MAPK8IP3: variants seen among roughly 807,000 people sequenced by gnomAD.
MAPK8IP3 encodes C-Jun-amino-terminal kinase-interacting protein 3.
Under a neutral mutation model 157.8 loss-of-function variants are expected in MAPK8IP3, and 49 were observed. That is an observed-to-expected ratio of 0.31 (90% confidence interval 0.25 to 0.39). MAPK8IP3 has a LOEUF of 0.39. Among genes scored for constraint, MAPK8IP3 ranks in the 10% least tolerant of loss-of-function variants. MAPK8IP3 has a pLI of 1.00. For missense variants in MAPK8IP3, 1,478 were observed against 1,889.4 expected (o/e 0.78, Z 4.04); for synonymous variants, 897 against 777.7 (o/e 1.15, Z -2.55).
chr16:1,757,604 G>T (rs973148250), intron 8 of MAPK8IP3, among the ~76,000 whole-genome samples: 1 of 152,176 alleles, frequency 6.6e-6, no homozygotes, highest in Non-Finnish European at 1.5e-5. Flanking sequence ...TTTCTGGCAT[G>T]TTCTCTCTGC....
At chr16:1,730,121 G>A (rs1430217732) in intron 4 of MAPK8IP3, among the ~76,000 whole-genome samples, 2 of 149,752 alleles carry the variant, frequency 1.3e-5, no homozygotes, top group African/African-American at 2.5e-5. Flanking sequence ...AGGACATACT[G>A]CCTCAAATAA....
rs529114132 is a variant in MAPK8IP3, at chr16:1,727,241, G to A, written c.440-1897G>A. Among the ~76,000 whole-genome samples, 40 of 147,206 alleles carry A rather than the reference G, an allele frequency of 2.7e-4. No individual in the cohort carries two copies. The East Asian group carries it at 4.0e-3, about 15-fold the overall frequency. ...CGTCTGAGTGACGTGTGCTATGTGC[G>A]GGTCTGTGTGACTCTGCTGTGTGTA... is the stretch of plus-strand genomic sequence containing the variant. On this transcript the variant is annotated intron_variant, in intron 2 of 31. Coordinates refer to ENST00000610761, the MANE Select transcript of MAPK8IP3 (RefSeq NM_001318852.2).
intron 1 of MAPK8IP3, among the ~76,000 whole-genome samples, chr16:1,722,991 G>A (rs1039981814): frequency 2.6e-5 from 4 of 151,532 alleles, no homozygotes; most frequent in African/African-American, 4.9e-5. Context: ...GTGAGCCACC[G>A]TGCCTGGCCA....
chr16:1,738,504 G>C (rs1259891155), intron 4 of MAPK8IP3, among the ~76,000 whole-genome samples: 6 of 123,054 alleles, frequency 4.9e-5, no homozygotes, highest in African/African-American at 1.9e-4. Context: ...CCGTCCGTGT[G>C]TGTGACCATC....
At position 1,767,576 on chromosome 16, in the gene MAPK8IP3, G is replaced by A. The variant is rs375286919; in HGVS notation, c.3250G>A (p.Ala1084Thr). 5.0e-6 allele frequency: 8 copies of A among 1,611,626 alleles called. No individual in the cohort carries two copies. Among genetic ancestry groups the A allele is most frequent in the African/African-American group, 2.7e-5 (2 of 74,912 alleles). Residue 1084 changes from alanine (A) to threonine (T), a missense_variant, in exon 27 of 32, where the codon GCC becomes ACC. Around this residue, in one of 11 missense-constraint regions of MAPK8IP3, gnomAD observed 68 missense variants for 125.1 expected, o/e 0.54. Coordinates refer to ENST00000610761, the MANE Select transcript of MAPK8IP3 (RefSeq NM_001318852.2). Reference protein sequence around the residue: ...KTMQIEKSFDAHPRRESQVRQ... With the variant: ...KTMQIEKSFDTHPRRESQVRQ... ...CATGACTCCACAGAAGTCATTTGAC[G>A]CCCACCCGCGGCGGGAGAGCCAGGT...
rs556161169 is a variant in MAPK8IP3, at chr16:1,755,625, G to T, written c.1217-2523G>T. On this transcript the variant is annotated intron_variant, in intron 8 of 31. Transcript: ENST00000610761. ...GCACATTGGGAGGCCAAGGTGGGCGGATCACGAGGTCAAGAGATCGAGACC... is the reference window on the plus strand; with the variant it reads ...GCACATTGGGAGGCCAAGGTGGGCGTATCACGAGGTCAAGAGATCGAGACC... Among the ~76,000 whole-genome samples the T allele has an allele frequency of 2.6e-5, 4 of 152,090 alleles. No individual in the cohort carries two copies. The South Asian group carries it at 8.3e-4, about 32-fold the overall frequency.
intron 8 of MAPK8IP3, among the ~76,000 whole-genome samples, chr16:1,755,384 G>A (rs932795793): frequency 4.3e-4 from 65 of 152,304 alleles, no homozygotes; most frequent in African/African-American, 1.4e-3. Flanking sequence ...GAATGCAGCC[G>A]GGTGTGCTGG....
chr16:1,735,736 AGTGTGACCGTCCATGTGAGCATCC>A (rs2039693495), intron 4 of MAPK8IP3, among the ~76,000 whole-genome samples: 2 of 95,394 alleles, frequency 2.1e-5, no homozygotes, highest in Non-Finnish European at 4.0e-5. Context: ...TCCATGTGAG[AGTGTGACCGTCCATGTGAGCATCC>A]GTGTGACCGT....
chr16:1,767,769 C>T (rs1411272408), intron 27 of MAPK8IP3, 34 bp downstream of exon 27: 3 of 1,611,616 alleles, frequency 1.9e-6, no homozygotes, highest in Admixed American at 3.3e-5. Flanking sequence ...TGGTGGGGTG[C>T]TCAAGGCCAG....
chr16:1,720,142 C>A (rs2038422391), intron 1 of MAPK8IP3, among the ~76,000 whole-genome samples: 1 of 152,238 alleles, frequency 6.6e-6, no homozygotes, highest in South Asian at 2.1e-4. Context: ...TCAAGCAATT[C>A]TCCTGCCTCA....
At position 1,768,471 on chromosome 16, in the gene MAPK8IP3, T is replaced by C. The variant is rs1202369556; in HGVS notation, c.3743-6T>C. On this transcript the variant is annotated splice_polypyrimidine_tract_variant and splice_region_variant and intron_variant, in intron 30 of 31. Coordinates refer to ENST00000610761, the MANE Select transcript of MAPK8IP3 (RefSeq NM_001318852.2). ...CCGCTGTCCTGAATCGCTTCTGCCATCCCAGGGAACGTGCTGGCCACCCTG... is the reference window on the plus strand; with the variant it reads ...CCGCTGTCCTGAATCGCTTCTGCCACCCCAGGGAACGTGCTGGCCACCCTG... 6.5e-5 allele frequency: 103 copies of C among 1,573,398 alleles called. No individual in the cohort carries two copies. The highest frequency in any genetic ancestry group is 8.8e-5 in the Non-Finnish European group (102 of 1,165,196).
At chr16:1,750,362 G>A (rs997013112) in intron 8 of MAPK8IP3, among the ~76,000 whole-genome samples, 7 of 151,922 alleles carry the variant, frequency 4.6e-5, no homozygotes, top group Non-Finnish European at 7.4e-5. Context: ...AGAGGCACGC[G>A]CCACCACGCC....
intron 2 of MAPK8IP3, among the ~76,000 whole-genome samples, chr16:1,727,515 T>C (rs577602704): frequency 9.9e-5 from 15 of 152,112 alleles, no homozygotes; most frequent in African/African-American, 3.6e-4. Flanking sequence ...TATGCATGTT[T>C]GGTGCTGTGT....
chr16:1,752,570 C>A (rs1170149300), intron 8 of MAPK8IP3: 1 of 319,094 alleles, frequency 3.1e-6, no homozygotes, highest in Non-Finnish European at 6.3e-6. Context: ...TAGCGAGACC[C>A]CATCTCTACA....
chr16:1,752,656 G>T, intron 8 of MAPK8IP3: 1 of 222,868 alleles, frequency 4.5e-6, no homozygotes, highest in Non-Finnish European at 9.4e-6. Context: ...AGCTGAAGTG[G>T]GAAGATCACT....
chr16:1,739,783 C>T (rs528592958), intron 4 of MAPK8IP3, among the ~76,000 whole-genome samples: 4 of 110,042 alleles, frequency 3.6e-5, no homozygotes, highest in Non-Finnish European at 5.3e-5. Flanking sequence ...TGTCACCGTC[C>T]ATGTGAGCAT....
chr16:1,756,934 C>A (rs938403775), intron 8 of MAPK8IP3, among the ~76,000 whole-genome samples: 1 of 152,042 alleles, frequency 6.6e-6, no homozygotes, highest in East Asian at 1.9e-4. Context: ...CGTTTTTGTT[C>A]TTTGAAACCT....
Position 1,762,700 on chromosome 16 carries a change from CAGG to C in MAPK8IP3, c.1699_1701del (p.Glu567del). On this transcript the variant is annotated inframe_deletion, in exon 15 of 32. Transcript: ENST00000610761. ...AGCGTCCCGAGAGCACCCATCCGTC[CAGG>C]AGAAGAAGAAGTCGACCATCTGGCA... 2 of 1,570,178 alleles carry C rather than the reference CAGG, an allele frequency of 1.3e-6. No individual in the cohort carries two copies. Among genetic ancestry groups the C allele is most frequent in the Non-Finnish European group, 1.7e-6 (2 of 1,156,258 alleles).
intron 4 of MAPK8IP3, among the ~76,000 whole-genome samples, chr16:1,739,567 CGTGT>C (rs565602320): frequency 3.5e-5 from 3 of 84,562 alleles, no homozygotes; most frequent in South Asian, 4.7e-4. Context: ...TGTGACCGTT[CGTGT>C]GTGTGTGACC....
Sources: gnomAD v4.1 joint callset for allele counts (sites outside exome capture counted in the v4.1 genomes callset) on GRCh38, gnomAD v4.1.1 for gene constraint, gnomAD v4.1.1 regional missense constraint, MANE v1.5 for transcripts, NCBI Gene and HGNC (gene_info 2026-07-23, HGNC 2026-07-21) for gene names.